PTPN13: variants seen among roughly 807,000 people sequenced by gnomAD.
The protein encoded by PTPN13 is tyrosine-protein phosphatase non-receptor type 13.
A neutral mutation model predicts 284.0 loss-of-function variants in PTPN13; 191 were observed. That is an observed-to-expected ratio of 0.67 (90% CI 0.60 to 0.76). PTPN13 has a LOEUF of 0.76. PTPN13 is among the 30% of genes least tolerant of loss of function. PTPN13 has a pLI of 0.00. For missense variants in PTPN13, 2,797 were observed against 2,939.9 expected (o/e 0.95, Z 1.12); for synonymous variants, 986 against 1,022.3 (o/e 0.96, Z 0.68).
intron 47 of PTPN13, among the ~76,000 whole-genome samples, chr4:86,812,507 A>G (rs1038887256): frequency 9.9e-5 from 15 of 152,270 alleles, no homozygotes; most frequent in African/African-American, 2.9e-4. Flanking sequence ...AGAAAAATGA[A>G]ATAGGTAAAG....
chr4:86,639,442 G>A lies in PTPN13; in HGVS notation c.115+4071G>A, dbSNP rs577691367. Among the ~76,000 whole-genome samples the A allele has an allele frequency of 2.6e-5, 4 of 152,254 alleles. No homozygotes were observed. In the South Asian group the frequency reaches 8.3e-4, roughly 32 times the overall value. ...GGAACCAAGCCAAATGTCCAACAATGATAGACTGGATTAAGAAAATGTGGC... is the reference window on the plus strand; with the variant it reads ...GGAACCAAGCCAAATGTCCAACAATAATAGACTGGATTAAGAAAATGTGGC... On this transcript the variant is annotated intron_variant, in intron 2 of 47. Transcript: ENST00000411767.
chr4:86,808,126 T>C (rs776085640), intron 45 of PTPN13, among the ~76,000 whole-genome samples: 17 of 152,180 alleles, frequency 1.1e-4, no homozygotes, highest in Non-Finnish European at 1.8e-4. Context: ...TCTACTAAAA[T>C]GGAAATGAAA....
chr4:86,656,020 C>G (rs1393080448), intron 2 of PTPN13, among the ~76,000 whole-genome samples: 1 of 152,152 alleles, frequency 6.6e-6, no homozygotes, highest in Non-Finnish European at 1.5e-5. Context: ...ACCCTTTCTT[C>G]CAGTTGATCT....
chr4:86,605,784 G>A (rs1565126989), intron 1 of PTPN13, among the ~76,000 whole-genome samples: 1 of 151,762 alleles, frequency 6.6e-6, no homozygotes, highest in Non-Finnish European at 1.5e-5. Flanking sequence ...GCTGTCATAG[G>A]AGGCAAGATT....
chr4:86,796,801 A>G, intron 40 of PTPN13, 73 bp from the exon 41 acceptor site: 8 of 946,358 alleles, frequency 8.5e-6, no homozygotes, highest in Non-Finnish European at 1.3e-5. Context: ...GGAAATAACT[A>G]ACAGGAAAAA....
intron 1 of PTPN13, among the ~76,000 whole-genome samples, chr4:86,598,193 C>T (rs574433231): frequency 1.3e-3 from 199 of 151,264 alleles, no homozygotes; most frequent in Non-Finnish European, 1.9e-3. Context: ...GGCTGGAATA[C>T]AGTGGCACAA....
chr4:86,618,409 G>A (rs1160082262), intron 1 of PTPN13, among the ~76,000 whole-genome samples: 1 of 152,056 alleles, frequency 6.6e-6, no homozygotes, highest in Non-Finnish European at 1.5e-5. Context: ...TGGCGATGTG[G>A]GCTCTTTTTT....
chr4:86,652,272 A>G lies in PTPN13; in HGVS notation c.115+16901A>G, dbSNP rs546916407. Among the ~76,000 whole-genome samples, 3 of 152,084 alleles carry G rather than the reference A, an allele frequency of 2.0e-5. No individual in the cohort carries two copies. In the South Asian group the frequency reaches 6.2e-4, roughly 32 times the overall value. On this transcript the variant is annotated intron_variant, in intron 2 of 47. Coordinates refer to ENST00000411767, the MANE Select transcript of PTPN13 (RefSeq NM_080683.3). ...ATTATTTTTGATGGGTTTTTCTTTT[A>G]GTCTACTAAAATATGCATGATTTAT... is the stretch of plus-strand genomic sequence containing the variant.
chr4:86,745,221 A>G, intron 17 of PTPN13, 93 bp downstream of exon 17: 1 of 1,212,278 alleles, frequency 8.2e-7, no homozygotes. Context: ...TAGGATGAAA[A>G]CTTACAATGT....
At position 86,615,696 on chromosome 4, in the gene PTPN13, T is replaced by C. The variant is rs1720460983; in HGVS notation, c.-5-19556T>C. ...CACTTAAGGACATTATCTCAAGAGT[T>C]TTTCTATATTATTAGAAGGTACATA... On this transcript the variant is annotated intron_variant, in intron 1 of 47. Transcript: ENST00000411767. 2.0e-5 allele frequency among the ~76,000 whole-genome samples: 3 copies of C among 152,090 alleles called. No individual in the cohort carries two copies. The South Asian group carries it at 6.2e-4, about 32-fold the overall frequency.
chr4:86,732,548 A>C (rs773946255), intron 11 of PTPN13, 44 bp from the exon 12 acceptor site: 1 of 1,597,600 alleles, frequency 6.3e-7, no homozygotes, highest in South Asian at 1.1e-5. Context: ...TAAAATTCTT[A>C]TAATGCTTAT....
chr4:86,653,817 G>A (rs912190635), intron 2 of PTPN13, among the ~76,000 whole-genome samples: 1 of 152,048 alleles, frequency 6.6e-6, no homozygotes, highest in Non-Finnish European at 1.5e-5. Flanking sequence ...AATATTTCTA[G>A]AAAATTGAAA....
chr4:86,639,826 T>C lies in PTPN13; in HGVS notation c.115+4455T>C, dbSNP rs577655604. Among the ~76,000 whole-genome samples the C allele has an allele frequency of 1.7e-4, 25 of 145,672 alleles. No individual in the cohort carries two copies. In the East Asian group the frequency reaches 5.0e-3, roughly 29 times the overall value. ...CACATGTACCCTAAAACTTAAAGTATAAAAAAAAAAATGCAACAGTAAAAC... is the reference window on the plus strand; with the variant it reads ...CACATGTACCCTAAAACTTAAAGTACAAAAAAAAAAATGCAACAGTAAAAC... On this transcript the variant is annotated intron_variant, in intron 2 of 47. Transcript: ENST00000411767.
chr4:86,667,768 G>A (rs1727247739), intron 2 of PTPN13, among the ~76,000 whole-genome samples: 1 of 152,148 alleles, frequency 6.6e-6, no homozygotes, highest in African/African-American at 2.4e-5. Context: ...ACAATTTCTT[G>A]TGCCTGAATA....
At chr4:86,696,611 TAA>T (rs943156252) in intron 6 of PTPN13, among the ~76,000 whole-genome samples, 1 of 152,012 alleles carries the variant, frequency 6.6e-6, no homozygotes, top group Non-Finnish European at 1.5e-5. Context: ...TTCTTATTAT[TAA>T]TATGCTGTTC....
At chr4:86,809,019 A>G (rs1156649296) in intron 45 of PTPN13, among the ~76,000 whole-genome samples, 2 of 152,202 alleles carry the variant, frequency 1.3e-5, no homozygotes, top group African/African-American at 2.4e-5. Flanking sequence ...AGAAAGAGCC[A>G]GTACAAAAGT....
At chr4:86,605,371 A>G (rs1764656197) in intron 1 of PTPN13, among the ~76,000 whole-genome samples, 1 of 151,954 alleles carries the variant, frequency 6.6e-6, no homozygotes, top group Non-Finnish European at 1.5e-5. Context: ...GATCTGATCT[A>G]TGAGGATTCA....
intron 12 of PTPN13, 111 bp downstream of exon 12, chr4:86,732,877 C>A: frequency 1.2e-6 from 1 of 857,242 alleles, no homozygotes; most frequent in Non-Finnish European, 1.7e-6. Context: ...ACTAAATGAA[C>A]TAGTCAGTAG....
At chr4:86,793,269 A>T (rs1412354459) in intron 40 of PTPN13, among the ~76,000 whole-genome samples, 1 of 152,218 alleles carries the variant, frequency 6.6e-6, no homozygotes, top group Non-Finnish European at 1.5e-5. Context: ...GCCACTATAT[A>T]ATGGTAAAGG....
Sources: allele counts gnomAD v4.1 joint callset (sites outside exome capture counted in the v4.1 genomes callset), GRCh38; gene constraint gnomAD v4.1.1; transcripts MANE v1.5; gene names NCBI Gene and HGNC (gene_info 2026-07-23, HGNC 2026-07-21).